The following TANGO6 variants were observed in gnomAD, a reference collection of about 807,000 sequenced individuals.
TANGO6 encodes the protein transport and golgi organization 6 homolog.
In TANGO6, 90 loss-of-function variants were observed where a neutral mutation model predicts 114.2. That is an observed-to-expected ratio of 0.79 (90% CI 0.66 to 0.94). The LOEUF (loss-of-function observed/expected upper bound fraction) is 0.94. TANGO6 is among the 40% of genes least tolerant of loss of function. The pLI is 0.00. For missense variants in TANGO6, 1,274 were observed against 1,315.3 expected, an observed-to-expected ratio of 0.97 and a Z score of 0.49; for synonymous variants, 477 against 509.8, an observed-to-expected ratio of 0.94 and a Z score of 0.87.
chr16:69,055,803 G>A (rs566734164), intron 17 of TANGO6, among the ~76,000 whole-genome samples: 46 of 152,314 alleles, frequency 3.0e-4, no homozygotes, highest in South Asian at 1.9e-3. Flanking sequence ...TTGAGAGGCC[G>A]AGGCAGGTGG....
intron 17 of TANGO6, among the ~76,000 whole-genome samples, chr16:69,059,807 A>C (rs1259331923): frequency 6.6e-6 from 1 of 152,198 alleles, no homozygotes; most frequent in East Asian, 1.9e-4. Context: ...AACTATAGCC[A>C]GAGAGATCTT....
chr16:68,847,179 C>G (rs760486382), intron 1 of TANGO6, among the ~76,000 whole-genome samples: 4 of 152,130 alleles, frequency 2.6e-5, no homozygotes, highest in Admixed American at 2.0e-4. Context: ...CGTGAGCCAC[C>G]GCGCCCGGCC....
At chr16:68,873,027 A>G (rs1219354629) in intron 4 of TANGO6, among the ~76,000 whole-genome samples, 1 of 151,162 alleles carries the variant, frequency 6.6e-6, no homozygotes, top group African/African-American at 2.4e-5. Context: ...TTTTTTAAAG[A>G]GTACAGTTTG....
chr16:69,052,830 C>G (rs1189705589), intron 17 of TANGO6, among the ~76,000 whole-genome samples: 1 of 152,042 alleles, frequency 6.6e-6, no homozygotes, highest in East Asian at 1.9e-4. Flanking sequence ...ATAATAGTGC[C>G]AGGCACGGTG....
At chr16:68,920,521 G>A (rs1035091712) in intron 12 of TANGO6, among the ~76,000 whole-genome samples, 1 of 152,182 alleles carries the variant, frequency 6.6e-6, no homozygotes, top group African/African-American at 2.4e-5. Flanking sequence ...ACCGAGTTAG[G>A]TGAGGAGTCT....
At chr16:68,975,382 C>T (rs545755826) in intron 15 of TANGO6, among the ~76,000 whole-genome samples, 42 of 150,812 alleles carry the variant, frequency 2.8e-4, no homozygotes, top group Middle Eastern at 3.5e-3. Context: ...CCTGAACTGC[C>T]GCGCTTTTTT....
intron 15 of TANGO6, among the ~76,000 whole-genome samples, chr16:69,001,585 C>T (rs1964043562): frequency 6.6e-6 from 1 of 152,082 alleles, no homozygotes; most frequent in South Asian, 2.1e-4. Flanking sequence ...TTAAGTTTCT[C>T]ATTAAAGCCT....
intron 17 of TANGO6, among the ~76,000 whole-genome samples, chr16:69,044,443 G>C (rs185247984): frequency 6.6e-6 from 1 of 152,258 alleles, no homozygotes; most frequent in Admixed American, 6.5e-5. Context: ...GGCCAGTTCT[G>C]ATGGGGAGTT....
At chr16:69,071,177 T>G (rs1042615614) in intron 17 of TANGO6, among the ~76,000 whole-genome samples, 1 of 152,088 alleles carries the variant, frequency 6.6e-6, no homozygotes, top group Non-Finnish European at 1.5e-5. Context: ...ATCAATCTAT[T>G]CCCTTAACCA....
At chr16:68,856,194 GTTTAT>G (rs1274065719) in intron 1 of TANGO6, among the ~76,000 whole-genome samples, 3 of 152,148 alleles carry the variant, frequency 2.0e-5, no homozygotes, top group Non-Finnish European at 4.4e-5. Flanking sequence ...GACATCCTGT[GTTTAT>G]TTTACTTCAC....
intron 14 of TANGO6, among the ~76,000 whole-genome samples, chr16:68,963,469 A>G (rs1963614676): frequency 6.6e-6 from 1 of 152,178 alleles, no homozygotes; most frequent in African/African-American, 2.4e-5. Context: ...TGCCATCTTC[A>G]TACCCCTCCT....
chr16:68,921,308 A>G (rs1187830290), intron 12 of TANGO6, among the ~76,000 whole-genome samples: 5 of 150,844 alleles, frequency 3.3e-5, no homozygotes, highest in Admixed American at 1.3e-4. Context: ...TCAGCCTCCC[A>G]AGTAGCTGGG....
chr16:69,018,592 T>G (rs997188084), intron 15 of TANGO6, among the ~76,000 whole-genome samples: 10 of 151,990 alleles, frequency 6.6e-5, no homozygotes, highest in African/African-American at 2.4e-4. Context: ...TCCTTTCTCT[T>G]TTTTCCTATG....
intron 16 of TANGO6, among the ~76,000 whole-genome samples, chr16:69,025,211 T>C (rs1458121143): frequency 6.6e-6 from 1 of 152,188 alleles, no homozygotes; most frequent in African/African-American, 2.4e-5. Context: ...CATTCAGCAG[T>C]TCCCAAGCTC....
intron 12 of TANGO6, among the ~76,000 whole-genome samples, chr16:68,925,104 A>C (rs1402379481): frequency 6.6e-6 from 1 of 152,118 alleles, no homozygotes; most frequent in African/African-American, 2.4e-5. Flanking sequence ...TGAGGTCAGG[A>C]GTTTGAGGCC....
chr16:68,980,382 A>AG (rs1963813444), intron 15 of TANGO6, among the ~76,000 whole-genome samples: 2 of 33,290 alleles, frequency 6.0e-5, no homozygotes, highest in Non-Finnish European at 1.2e-4. Context: ...TCTGTCTGTC[A>AG]TTCTCTCTCT....
chr16:68,914,324 G>C (rs1292839128), intron 11 of TANGO6, among the ~76,000 whole-genome samples: 1 of 152,210 alleles, frequency 6.6e-6, no homozygotes, highest in East Asian at 1.9e-4. Context: ...ACCATGCCCG[G>C]CTAATTTTTG....
chr16:68,972,128 G>A (rs752195507), intron 14 of TANGO6, among the ~76,000 whole-genome samples: 4 of 151,836 alleles, frequency 2.6e-5, no homozygotes, highest in Non-Finnish European at 2.9e-5. Flanking sequence ...TCTTAGGACT[G>A]AAGTCCTAAG....
intron 17 of TANGO6, among the ~76,000 whole-genome samples, chr16:69,062,787 TAAAAAA>T (rs35731381): frequency 1.9e-4 from 22 of 113,728 alleles, no homozygotes; most frequent in South Asian, 9.5e-4. Context: ...AAAAGAAATT[TAAAAAA>T]AAAAAAAAAA....
Sources: gnomAD v4.1 joint callset for allele counts (sites outside exome capture counted in the v4.1 genomes callset) on GRCh38, gnomAD v4.1.1 for gene constraint, MANE v1.5 for transcripts, NCBI Gene and HGNC (gene_info 2026-07-23, HGNC 2026-07-21) for gene names.